Variants in LRMDA observed in about 807,000 individuals in gnomAD.
LRMDA encodes leucine-rich melanocyte differentiation-associated protein.
In LRMDA, 18 loss-of-function variants were observed where a neutral mutation model predicts 29.8. The observed-to-expected ratio is 0.60, with a 90% CI of 0.42 to 0.90. The LOEUF is 0.90. LRMDA is among the 40% of genes least tolerant of loss of function. The pLI, the probability that LRMDA is intolerant of heterozygous loss-of-function variation, is 0.00. For missense variants in LRMDA, 273 were observed against 273.9 expected (o/e 1.00, Z 0.02); for synonymous variants, 125 against 109.4 (o/e 1.14, Z -0.89).
At chr10:75,569,897 G>A (rs1312669760) in intron 2 of LRMDA, among the ~76,000 whole-genome samples, 1 of 152,218 alleles carries the variant, frequency 6.6e-6, no homozygotes, top group African/African-American at 2.4e-5. Context: ...CATATATGGA[G>A]GCAGTTTTGT....
At chr10:75,876,987 ACCAG>A (rs1272038308) in intron 2 of LRMDA, among the ~76,000 whole-genome samples, 1 of 152,138 alleles carries the variant, frequency 6.6e-6, no homozygotes, top group Admixed American at 6.6e-5. Flanking sequence ...CTGCTGGCCC[ACCAG>A]CCACATTTTA....
chr10:75,436,056 TAAAA>T (rs201038266), intron 1 of LRMDA, among the ~76,000 whole-genome samples: 1 of 127,000 alleles, frequency 7.9e-6, no homozygotes, highest in African/African-American at 2.8e-5. Context: ...CCCATCTCTT[TAAAA>T]AAAAAAAAAA....
Position 76,559,066 on chromosome 10 carries a change from A to T in LRMDA, c.*1778A>T, listed in dbSNP as rs540082400. On this transcript the variant is annotated 3_prime_UTR_variant, in exon 7 of 7. Transcript: ENST00000611255. Reference sequence around the variant, plus strand: ...GGTCATTGTTTAGAAGCATCAACACATGTTTTCTCCCTGGCATAATATGGG... The same window carrying T: ...GGTCATTGTTTAGAAGCATCAACACTTGTTTTCTCCCTGGCATAATATGGG... 6.6e-6 allele frequency: 1 copy of T among 152,226 alleles called. No homozygotes were observed. The highest frequency in any genetic ancestry group is 2.4e-5 in the African/African-American group (1 of 41,458). 9.4% of individuals were successfully genotyped at this position (152,226 alleles called of 1,614,324 possible).
intron 2 of LRMDA, among the ~76,000 whole-genome samples, chr10:75,709,855 T>C (rs980162755): frequency 2.0e-5 from 3 of 152,212 alleles, no homozygotes; most frequent in African/African-American, 7.2e-5. Flanking sequence ...GTGCTATAGA[T>C]GCAAGATAAT....
chr10:75,811,077 G>T (rs1034726339), intron 2 of LRMDA, among the ~76,000 whole-genome samples: 1 of 152,136 alleles, frequency 6.6e-6, no homozygotes, highest in Non-Finnish European at 1.5e-5. Context: ...ACAGCTCTTT[G>T]TACTGAGTAG....
chr10:75,471,282 A>G (rs1309596478), intron 2 of LRMDA, among the ~76,000 whole-genome samples: 1 of 150,888 alleles, frequency 6.6e-6, no homozygotes, highest in African/African-American at 2.4e-5. Flanking sequence ...CAGGAAGTTC[A>G]TCTGTGTTTA....
chr10:75,484,582 T>C (rs1844890416), intron 2 of LRMDA, among the ~76,000 whole-genome samples: 1 of 152,222 alleles, frequency 6.6e-6, no homozygotes, highest in Non-Finnish European at 1.5e-5. Context: ...ATCCATTTGT[T>C]GAAGCCCTAA....
chr10:75,800,218 A>G (rs1240279487), intron 2 of LRMDA, among the ~76,000 whole-genome samples: 4 of 152,176 alleles, frequency 2.6e-5, no homozygotes, highest in Admixed American at 1.3e-4. Flanking sequence ...TCATCATGAA[A>G]CACCATGTTT....
chr10:76,213,952 T>C (rs952418791), intron 5 of LRMDA, among the ~76,000 whole-genome samples: 13 of 151,834 alleles, frequency 8.6e-5, no homozygotes, highest in African/African-American at 2.9e-4. Flanking sequence ...GAATTGCCTT[T>C]GGAGGTCATG....
intron 2 of LRMDA, among the ~76,000 whole-genome samples, chr10:75,606,088 G>A (rs182661602): frequency 2.0e-5 from 3 of 152,202 alleles, no homozygotes; most frequent in Non-Finnish European, 4.4e-5. Context: ...GAACTCCTGG[G>A]CTCAAGTGAT....
intron 2 of LRMDA, among the ~76,000 whole-genome samples, chr10:75,674,867 A>G (rs1198744767): frequency 6.6e-6 from 1 of 152,202 alleles, no homozygotes; most frequent in African/African-American, 2.4e-5. Context: ...GAAGGACAGT[A>G]GGAGCTGAGA....
At chr10:76,387,602 C>CA (rs998372463) in intron 6 of LRMDA, among the ~76,000 whole-genome samples, 3,499 of 116,570 alleles carry the variant, frequency 0.03, 128 homozygotes, top group African/African-American at 0.094. Context: ...AACACTGTTT[C>CA]AAAAAAAAAA....
Position 76,384,792 on chromosome 10 carries a change from C to T in LRMDA, c.601+60307C>T, listed in dbSNP as rs191050783. On this transcript the variant is annotated intron_variant, in intron 6 of 6. Coordinates refer to ENST00000611255, the MANE Select transcript of LRMDA (RefSeq NM_001305581.2). ...CTTCCACATGTGTTAATATTGAAAA[C>T]CCAACTCAATTCTATCTTCTTTGAG... Among the ~76,000 whole-genome samples the T allele has an allele frequency of 1.9e-3, 296 of 152,302 alleles. 2 individuals are homozygous for T. Among genetic ancestry groups the T allele is most frequent in the Middle Eastern group, 6.8e-3 (2 of 294 alleles).
At chr10:75,512,453 A>G (rs1205975229) in intron 2 of LRMDA, among the ~76,000 whole-genome samples, 1 of 152,186 alleles carries the variant, frequency 6.6e-6, no homozygotes, top group Non-Finnish European at 1.5e-5. Context: ...TAATTTATAA[A>G]TAAAATACAC....
intron 5 of LRMDA, among the ~76,000 whole-genome samples, chr10:76,189,803 C>T (rs749814476): frequency 2.6e-5 from 4 of 152,188 alleles, no homozygotes; most frequent in Admixed American, 6.5e-5. Context: ...TCAGATAATC[C>T]AAAACCTGGA....
At chr10:76,230,612 GA>G (rs577171111) in intron 5 of LRMDA, among the ~76,000 whole-genome samples, 10 of 150,534 alleles carry the variant, frequency 6.6e-5, no homozygotes, top group Non-Finnish European at 1.0e-4. Flanking sequence ...TATATTTGGG[GA>G]TGACACCATC....
chr10:75,530,924 G>T (rs1396984332), intron 2 of LRMDA, among the ~76,000 whole-genome samples: 1 of 152,114 alleles, frequency 6.6e-6, no homozygotes, highest in Non-Finnish European at 1.5e-5. Context: ...GGGCTTTTTG[G>T]TAACTAATAG....
intron 2 of LRMDA, among the ~76,000 whole-genome samples, chr10:75,826,242 G>C (rs1844244944): frequency 6.6e-6 from 1 of 152,306 alleles, no homozygotes; most frequent in East Asian, 1.9e-4. Context: ...AGATGAAGAA[G>C]CTGGAGTCTC....
chr10:76,003,370 C>T (rs903554828), intron 2 of LRMDA, among the ~76,000 whole-genome samples: 6 of 151,558 alleles, frequency 4.0e-5, no homozygotes, highest in Admixed American at 2.6e-4. Flanking sequence ...CCTGGCCCAC[C>T]CTCTCTCTCT....
Sources: gnomAD v4.1 joint callset for allele counts (sites outside exome capture counted in the v4.1 genomes callset) on GRCh38, gnomAD v4.1.1 for gene constraint, MANE v1.5 for transcripts, NCBI Gene and HGNC (gene_info 2026-07-23, HGNC 2026-07-21) for gene names.